COL5A2: variants seen among roughly 807,000 people sequenced by gnomAD.
The protein encoded by COL5A2 is collagen type V alpha 2 chain.
Under a neutral mutation model 208.2 loss-of-function variants are expected in COL5A2, and 23 were observed. That is an observed-to-expected ratio of 0.11 (90% CI 0.08 to 0.16). The LOEUF (loss-of-function observed/expected upper bound fraction) is 0.16. Among genes scored for constraint, COL5A2 ranks in the 10% least tolerant of loss-of-function variants. The pLI is 1.00. For missense variants in COL5A2, 1,590 were observed against 1,956.4 expected (o/e 0.81, Z 3.53); for synonymous variants, 625 against 628.5 (o/e 0.99, Z 0.08).
At chr2:189,288,090 C>T in the COL5A2 span, among the ~76,000 whole-genome samples, 1 of 152,080 alleles carries the variant, frequency 6.6e-6, no homozygotes, top group Admixed American at 6.6e-5. Context: ...ATGCCACCTG[C>T]TGTTTATGGA....
chr2:189,403,059 A>G, the COL5A2 span, among the ~76,000 whole-genome samples: 30 of 152,088 alleles, frequency 2.0e-4, no homozygotes, highest in South Asian at 6.0e-3. Flanking sequence ...ATGTTTTTCC[A>G]TTTGCTTGTG....
At chr2:189,358,224 C>T in the COL5A2 span, among the ~76,000 whole-genome samples, 5 of 151,848 alleles carry the variant, frequency 3.3e-5, no homozygotes, top group Non-Finnish European at 7.4e-5. Context: ...ATTGTTGATA[C>T]CTACTGCTCA....
chr2:189,434,610 AAC>A, the COL5A2 span, among the ~76,000 whole-genome samples: 1 of 152,206 alleles, frequency 6.6e-6, no homozygotes, highest in East Asian at 1.9e-4. Flanking sequence ...CTAGGAATCC[AAC>A]TTACAAGGGA....
chr2:189,267,002 T>C, the COL5A2 span, among the ~76,000 whole-genome samples: 3 of 151,570 alleles, frequency 2.0e-5, no homozygotes, highest in East Asian at 5.8e-4. Context: ...ATAATATTAA[T>C]AAAATGATAA....
At chr2:189,209,768 T>C (rs1689189044) in intron 1 of COL5A2, among the ~76,000 whole-genome samples, 1 of 152,206 alleles carries the variant, frequency 6.6e-6, no homozygotes, top group Admixed American at 6.5e-5. Flanking sequence ...TTAACTGCAA[T>C]GGAAAACAAA....
chr2:189,385,507 T>C, the COL5A2 span, among the ~76,000 whole-genome samples: 2 of 152,100 alleles, frequency 1.3e-5, no homozygotes, highest in Non-Finnish European at 2.9e-5. Context: ...TCCATGCTCA[T>C]GGATTGAGAA....
the COL5A2 span, among the ~76,000 whole-genome samples, chr2:189,375,932 G>A: frequency 6.6e-6 from 1 of 152,096 alleles, no homozygotes; most frequent in Non-Finnish European, 1.5e-5. Flanking sequence ...ACTTCAACTT[G>A]GCTCTCATTC....
At chr2:189,072,716 G>A (rs915028037) in intron 17 of COL5A2, among the ~76,000 whole-genome samples, 10 of 137,252 alleles carry the variant, frequency 7.3e-5, no homozygotes, top group Admixed American at 1.6e-4. Context: ...AGGTTGTAGT[G>A]AGCTGAGATC....
At chr2:189,431,044 C>T in the COL5A2 span, among the ~76,000 whole-genome samples, 10 of 152,302 alleles carry the variant, frequency 6.6e-5, no homozygotes, top group South Asian at 1.4e-3. Flanking sequence ...TGGTGATACC[C>T]AGGCAAACAG....
chr2:189,364,255 A>G, the COL5A2 span, among the ~76,000 whole-genome samples: 1 of 152,226 alleles, frequency 6.6e-6, no homozygotes, highest in Non-Finnish European at 1.5e-5. Flanking sequence ...TGCTTGTGAT[A>G]CTATGTGTTC....
chr2:189,316,405 G>C, the COL5A2 span, among the ~76,000 whole-genome samples: 10,010 of 151,994 alleles, frequency 0.066, 454 homozygotes, highest in Middle Eastern at 0.12. Context: ...GGGAGCTCAT[G>C]CAGGGTTTAA....
chr2:189,363,472 G>T, the COL5A2 span, among the ~76,000 whole-genome samples: 2 of 150,422 alleles, frequency 1.3e-5, no homozygotes, highest in East Asian at 1.9e-4. Context: ...TTGCTTTTTC[G>T]CATGCTAAAG....
At chr2:189,297,833 CACT>C in the COL5A2 span, among the ~76,000 whole-genome samples, 2 of 152,152 alleles carry the variant, frequency 1.3e-5, no homozygotes, top group African/African-American at 4.8e-5. Flanking sequence ...AAATGAATAC[CACT>C]GTGAATTCAA....
intron 1 of COL5A2, among the ~76,000 whole-genome samples, chr2:189,168,878 A>T (rs1313649454): frequency 6.6e-6 from 1 of 152,212 alleles, no homozygotes; most frequent in East Asian, 1.9e-4. Context: ...AAACCTACAA[A>T]GAAAGAACAG....
the COL5A2 span, among the ~76,000 whole-genome samples, chr2:189,298,867 G>A: frequency 1.3e-5 from 2 of 152,114 alleles, no homozygotes; most frequent in South Asian, 4.1e-4. Context: ...TTTCATATAA[G>A]TGAAAGATCA....
At chr2:189,438,764 C>T in the COL5A2 span, among the ~76,000 whole-genome samples, 1 of 152,122 alleles carries the variant, frequency 6.6e-6, no homozygotes, top group Non-Finnish European at 1.5e-5. Context: ...ATTTGTGCAT[C>T]ATAGATATCA....
chr2:189,300,089 T>A, the COL5A2 span, among the ~76,000 whole-genome samples: 15 of 152,188 alleles, frequency 9.9e-5, no homozygotes, highest in Non-Finnish European at 1.2e-4. Flanking sequence ...TAGGGACTGT[T>A]ATACACAGAT....
At chr2:189,138,172 C>G (rs1026926059) in intron 1 of COL5A2, among the ~76,000 whole-genome samples, 1 of 152,082 alleles carries the variant, frequency 6.6e-6, no homozygotes, top group Non-Finnish European at 1.5e-5. Context: ...GACAGGGTTG[C>G]ACCATGTTGG....
At chr2:189,417,341 TATTA>T in the COL5A2 span, among the ~76,000 whole-genome samples, 1 of 152,186 alleles carries the variant, frequency 6.6e-6, no homozygotes, top group Non-Finnish European at 1.5e-5. Context: ...TCTATTTCTA[TATTA>T]ATTATTCCAT....
Sources: allele counts gnomAD v4.1 joint callset (sites outside exome capture counted in the v4.1 genomes callset), GRCh38; gene constraint gnomAD v4.1.1; transcripts MANE v1.5; gene names NCBI Gene and HGNC (gene_info 2026-07-23, HGNC 2026-07-21).